Variants in CSMD1 observed in about 807,000 individuals in gnomAD.
The protein encoded by CSMD1 is CUB and sushi domain-containing protein 1.
CSMD1 carries 213 observed loss-of-function variants against 417.5 expected under a neutral mutation model. The ratio of observed to expected loss-of-function variants is 0.51; its 90% CI spans 0.46 to 0.57. CSMD1 has a LOEUF of 0.57. Ranked by LOEUF, CSMD1 falls within the 20% of genes least tolerant of loss-of-function variation. CSMD1 has a pLI of 0.00. For missense variants in CSMD1, 6,923 were observed against 4,529.7 expected, an observed-to-expected ratio of 1.53 and a Z score of -15.17; for synonymous variants, 2,862 against 1,736.8, an observed-to-expected ratio of 1.65 and a Z score of -16.11.
chr8:3,590,031 A>G (rs1200171642), intron 8 of CSMD1, among the ~76,000 whole-genome samples: 1 of 152,138 alleles, frequency 6.6e-6, no homozygotes, highest in East Asian at 1.9e-4. Context: ...ATTTTTTTGG[A>G]TATATTTGAA....
intron 3 of CSMD1, among the ~76,000 whole-genome samples, chr8:4,406,150 G>C (rs1805002969): frequency 6.6e-6 from 1 of 152,166 alleles, no homozygotes; most frequent in African/African-American, 2.4e-5. Flanking sequence ...GCATAATCGT[G>C]CACACATTAG....
intron 4 of CSMD1, among the ~76,000 whole-genome samples, chr8:4,018,791 G>T (rs1034026138): frequency 6.6e-6 from 1 of 152,196 alleles, no homozygotes; most frequent in African/African-American, 2.4e-5. Context: ...AGTGTCCAGG[G>T]TCAAATTCTG....
rs527841418 is a variant in CSMD1 at position 4,240,802 on chromosome 8, ACTAT to A, written c.415+179147_415+179150del. Among the ~76,000 whole-genome samples the A allele has an allele frequency of 1.6e-4, 24 of 152,204 alleles. 1 individual carries two copies. The East Asian group carries it at 3.5e-3, about 22-fold the overall frequency. On this transcript the variant is annotated intron_variant, in intron 3 of 69. Transcript: ENST00000635120. ...AAAAGTGACAGCCAAAAATATCCAT[ACTAT>A]CTATTTTTTTATTTGGTGTCTATGT...
intron 3 of CSMD1, among the ~76,000 whole-genome samples, chr8:4,304,404 T>C (rs1200944620): frequency 6.6e-6 from 1 of 152,132 alleles, no homozygotes; most frequent in East Asian, 1.9e-4. Flanking sequence ...ATTATTACCA[T>C]CTAAGAGCGA....
chr8:3,065,040 T>C (rs1812828592), intron 49 of CSMD1, among the ~76,000 whole-genome samples: 1 of 152,132 alleles, frequency 6.6e-6, no homozygotes, highest in Admixed American at 6.5e-5. Context: ...TCAGGCTAAC[T>C]TTTTACTTAA....
At chr8:4,318,517 TTGAG>T (rs925294610) in intron 3 of CSMD1, among the ~76,000 whole-genome samples, 17 of 152,196 alleles carry the variant, frequency 1.1e-4, no homozygotes, top group African/African-American at 2.9e-4. Flanking sequence ...GCGAGAAAAC[TTGAG>T]TAAGTACTGA....
At chr8:4,449,351 T>G (rs192402610) in intron 2 of CSMD1, among the ~76,000 whole-genome samples, 5 of 152,158 alleles carry the variant, frequency 3.3e-5, no homozygotes, top group Non-Finnish European at 7.4e-5. Context: ...AGCCTCCCCC[T>G]CTCTTTTTTT....
intron 4 of CSMD1, among the ~76,000 whole-genome samples, chr8:4,010,512 A>T (rs1382606055): frequency 6.6e-6 from 1 of 152,080 alleles, no homozygotes; most frequent in Non-Finnish European, 1.5e-5. Context: ...TACCTCAGCC[A>T]TGCCATCACC....
intron 7 of CSMD1, among the ~76,000 whole-genome samples, chr8:3,674,062 T>C (rs943587120): frequency 1.3e-5 from 2 of 152,114 alleles, no homozygotes; most frequent in Non-Finnish European, 2.9e-5. Context: ...GCCATGATAA[T>C]GTCATTGCAC....
rs1804264715 is a variant in CSMD1 at position 4,266,960 on chromosome 8, A to G, written c.415+152993T>C. The stretch of plus-strand genomic sequence containing the variant: ...AAAATATCTATTATTGAATAAAATT[A>G]ACAATTTTGGAACTTAAGAAGATAA... On this transcript the variant is annotated intron_variant, in intron 3 of 69. Coordinates refer to ENST00000635120, the MANE Select transcript of CSMD1 (RefSeq NM_033225.6). Among the ~76,000 whole-genome samples, 2 of 104,784 alleles carry G rather than the reference A, an allele frequency of 1.9e-5. 1 individual carries two copies. The highest frequency in any genetic ancestry group is 5.2e-5 in the African/African-American group (2 of 38,594). 68.7% of individuals were successfully genotyped at this position (104,784 alleles called of 152,430 possible). A position where few individuals can be genotyped will look rare whatever the true frequency, so the allele number is the denominator to read the frequency against.
At chr8:3,881,409 G>A (rs1335586678) in intron 5 of CSMD1, among the ~76,000 whole-genome samples, 1 of 151,522 alleles carries the variant, frequency 6.6e-6, no homozygotes, top group Non-Finnish European at 1.5e-5. Flanking sequence ...GCCGAGGCAG[G>A]CAGATCACAA....
chr8:2,957,846 G>A, intron 62 of CSMD1, 39 bp from the exon 63 acceptor site: 1 of 1,373,978 alleles, frequency 7.3e-7, no homozygotes, highest in Middle Eastern at 1.8e-4. Flanking sequence ...GAGGCCAAGG[G>A]AATATACGAA....
At chr8:3,291,583 A>C (rs1803567469) in intron 25 of CSMD1, among the ~76,000 whole-genome samples, 1 of 151,832 alleles carries the variant, frequency 6.6e-6, no homozygotes, top group Admixed American at 6.6e-5. Flanking sequence ...GAATTTATCC[A>C]TTTTTTCTAG....
chr8:4,282,902 C>A (rs533891397), intron 3 of CSMD1, among the ~76,000 whole-genome samples: 1 of 152,140 alleles, frequency 6.6e-6, no homozygotes, highest in South Asian at 2.1e-4. Flanking sequence ...GTTGAACTTA[C>A]CACAGTTCAT....
chr8:4,406,295 C>T (rs1378545550), intron 3 of CSMD1, among the ~76,000 whole-genome samples: 1 of 152,034 alleles, frequency 6.6e-6, no homozygotes, highest in Admixed American at 6.6e-5. Context: ...ACAAAACAAA[C>T]CCTTTGCAAT....
At chr8:4,685,844 T>C (rs1401993267) in intron 1 of CSMD1, among the ~76,000 whole-genome samples, 2 of 152,342 alleles carry the variant, frequency 1.3e-5, no homozygotes, top group Admixed American at 1.3e-4. Context: ...CTCATATTTA[T>C]AGGTTTGCTA....
chr8:3,178,845 G>T (rs1821105472), intron 37 of CSMD1, among the ~76,000 whole-genome samples: 1 of 151,740 alleles, frequency 6.6e-6, no homozygotes, highest in Non-Finnish European at 1.5e-5. Flanking sequence ...ACAAATTTAA[G>T]ATATCAGAAA....
chr8:4,536,400 C>A (rs991990850), intron 2 of CSMD1, among the ~76,000 whole-genome samples: 1 of 152,076 alleles, frequency 6.6e-6, no homozygotes, highest in African/African-American at 2.4e-5. Context: ...TAAATTTAAT[C>A]ATATATATAC....
intron 2 of CSMD1, among the ~76,000 whole-genome samples, chr8:4,463,707 G>A (rs764715010): frequency 6.6e-6 from 1 of 152,136 alleles, no homozygotes. Context: ...CCAATCCCTA[G>A]AGACGAAAAT....
Sources: allele counts gnomAD v4.1 joint callset (sites outside exome capture counted in the v4.1 genomes callset), GRCh38; gene constraint gnomAD v4.1.1; transcripts MANE v1.5; gene names NCBI Gene and HGNC (gene_info 2026-07-23, HGNC 2026-07-21).